OCEL1: variants seen among roughly 807,000 people sequenced by gnomAD.
OCEL1 encodes occludin/ELL domain containing 1, also known as occludin/ELL domain-containing protein 1.
OCEL1 carries 24 observed loss-of-function variants against 29.4 expected under a neutral mutation model. The observed-to-expected ratio is 0.82, with a 90% CI of 0.59 to 1.15. OCEL1 has a LOEUF of 1.15. Among genes scored for constraint, OCEL1 ranks in the 50% most tolerant of loss-of-function variants. The pLI, the probability that OCEL1 is intolerant of heterozygous loss-of-function variation, is 0.00. For missense variants in OCEL1, 402 were observed against 352.5 expected, an observed-to-expected ratio of 1.14 and a Z score of -1.13; for synonymous variants, 172 against 145.3, an observed-to-expected ratio of 1.18 and a Z score of -1.32.
chr19:17,226,339 C>A, intron 1 of OCEL1, 23 bp downstream of exon 1: 1 of 1,607,218 alleles, frequency 6.2e-7, no homozygotes, highest in African/African-American at 1.3e-5. Flanking sequence ...GGTAGCGAGC[C>A]GGACGGCCTT....
In OCEL1 at chr19:17,226,322, C is replaced by T; in HGVS notation, c.69+6C>T. The T allele has an allele frequency of 9.3e-6, 15 of 1,610,826 alleles. No individual in the cohort carries two copies. Among genetic ancestry groups the T allele is most frequent in the Non-Finnish European group, 1.3e-5 (15 of 1,179,162 alleles). On this transcript the variant is annotated splice_donor_region_variant and intron_variant, in intron 1 of 5. Coordinates refer to ENST00000215061, the MANE Select transcript of OCEL1 (RefSeq NM_024578.3). The stretch of plus-strand genomic sequence containing the variant: ...AGCTCCAGACGCTGGGACAGGTGAC[C>T]CGGGGCGGTAGCGAGCCGGACGGCC...
intron 1 of OCEL1, 82 bp downstream of exon 1, chr19:17,226,398 G>C: frequency 6.6e-7 from 1 of 1,507,288 alleles, no homozygotes; most frequent in Non-Finnish European, 9.0e-7. Context: ...GGTCGTCTGT[G>C]GGCTCTGCGC....
In OCEL1 at chr19:17,228,817, G is replaced by C. The variant is rs1223707295; in HGVS notation, c.687G>C (p.Leu229=). The change falls in exon 6 of 6, where the codon CTG becomes CTC. Residue 229 remains leucine (L), a synonymous_variant. Transcript: ENST00000215061. ...FEMKRMDPGF[L]DKQARCHYLK... is the part of the protein sequence containing the mutation. ...GCCCTGCCTAGGATCCTGGCTTCCT[G>C]GACAAGCAGGCTCGCTGCCACTACC... The C allele has an allele frequency of 6.2e-7, 1 of 1,613,388 alleles. No homozygotes were observed. Among genetic ancestry groups the C allele is most frequent in the Admixed American group, 1.7e-5 (1 of 60,022 alleles).
intron 5 of OCEL1, 181 bp from the exon 6 acceptor site, chr19:17,228,622 C>T: frequency 2.7e-6 from 2 of 745,406 alleles, no homozygotes; most frequent in East Asian, 2.9e-5. Flanking sequence ...GATCCGCCCA[C>T]CTCGGCCTCC....
rs771482894 is a variant in OCEL1 at position 17,226,749 on chromosome 19, C to G, written c.126C>G (p.Arg42=). 6.3e-7 allele frequency: 1 copy of G among 1,579,084 alleles called. No individual in the cohort carries two copies. The highest frequency in any genetic ancestry group is 8.6e-7 in the Non-Finnish European group (1 of 1,168,308). Residue 42 remains arginine, a synonymous_variant, in exon 2 of 6, where the codon CGC becomes CGG. Transcript: ENST00000215061. ...RAGHDAPRRT[R]PSARKPLSCF... The stretch of plus-strand genomic sequence containing the variant: ...GACACGACGCCCCCCGCAGGACCCG[C>G]CCATCAGCCCGGAAACCCCTGAGCT...
rs1338676589 is a variant in OCEL1, at chr19:17,226,238, C to G, written c.-10C>G. 6.2e-7 allele frequency: 1 copy of G among 1,605,662 alleles called. No homozygotes were observed. Among genetic ancestry groups the G allele is most frequent in the East Asian group, 2.2e-5 (1 of 44,564 alleles). On this transcript the variant is annotated 5_prime_UTR_variant, in exon 1 of 6. It adds an upstream start codon to the 5' untranslated region. Coordinates refer to ENST00000215061, the MANE Select transcript of OCEL1 (RefSeq NM_024578.3). ...GAGCGACCCCGCCAGTCGGGTCCAT[C>G]CTGCAGTAAATGCACAACCCGGACG...
intron 3 of OCEL1, among the ~76,000 whole-genome samples, chr19:17,227,419 G>A (rs1218420372): frequency 2.6e-5 from 4 of 152,134 alleles, no homozygotes; most frequent in South Asian, 2.1e-4. Context: ...GGCGAGGCGC[G>A]GTGGCTCATG....
Position 17,227,127 on chromosome 19 carries a change from G to A in OCEL1, c.380G>A (p.Gly127Asp), listed in dbSNP as rs754357081. Residue 127 changes from glycine (G) to aspartate (D), a missense_variant, in exon 3 of 6, where the codon GGC (glycine) becomes GAC (aspartate). Gly to Asp is a moderately conservative substitution (Grantham distance 94, BLOSUM62 -1). Transcript: ENST00000215061. Reference sequence around the variant, plus strand: ...GAGTTGCTCTCCCAGGCCCTCCTGGGCGCCAAGAAGCCTATTGGAGCCATC... The same window carrying A: ...GAGTTGCTCTCCCAGGCCCTCCTGGACGCCAAGAAGCCTATTGGAGCCATC... ...EDELLSQALL[G>D]AKKPIGAIPK... 9 of 1,600,416 alleles carry A rather than the reference G, an allele frequency of 5.6e-6. No individual in the cohort carries two copies. The highest frequency in any genetic ancestry group is 6.8e-6 in the Non-Finnish European group (8 of 1,176,300).
In OCEL1 at chr19:17,226,715, C is replaced by G; in HGVS notation, c.92C>G (p.Pro31Arg). ...CAGGCCGCCCGCAGACCACCCCCGC[C>G]GCGCGCGGGACACGACGCCCCCCGC... The part of the protein sequence containing the change: ...LGQAARRPPP[P>R]RAGHDAPRRT... The change falls in exon 2 of 6, where the codon CCG becomes CGG. Residue 31 changes from proline (P) to arginine (R), a missense_variant. Pro to Arg is a moderately radical substitution (Grantham distance 103). Transcript: ENST00000215061. 1 of 1,514,162 alleles carries G rather than the reference C, an allele frequency of 6.6e-7. No individual in the cohort carries two copies. The highest frequency in any genetic ancestry group is 8.8e-7 in the Non-Finnish European group (1 of 1,139,640). 93.8% of individuals were successfully genotyped at this position (1,514,162 alleles called of 1,614,324 possible). A position where few individuals can be genotyped will look rare whatever the true frequency, so the allele number is the denominator to read the frequency against.
At chr19:17,226,412 C>T in intron 1 of OCEL1, 96 bp downstream of exon 1, 5 of 1,447,044 alleles carry the variant, frequency 3.5e-6, no homozygotes, top group South Asian at 1.2e-5. Context: ...TCTGCGCGCC[C>T]TGGAGGTCGA....
chr19:17,226,635 G>C (rs1393185644), intron 1 of OCEL1, 58 bp from the exon 2 acceptor site: 49 of 1,411,724 alleles, frequency 3.5e-5, no homozygotes, highest in Non-Finnish European at 4.4e-5. Flanking sequence ...CGAGCTGCCC[G>C]CGCGTCCTTT....
chr19:17,228,666 G>T, intron 5 of OCEL1, 137 bp from the exon 6 acceptor site: 1 of 1,236,222 alleles, frequency 8.1e-7, no homozygotes, highest in Non-Finnish European at 1.1e-6. Flanking sequence ...GAGCCACCTT[G>T]CCCGGCTCAC....
In OCEL1 at chr19:17,226,783, C is replaced by T. The variant is rs1324222676; in HGVS notation, c.160C>T (p.Arg54Trp). 4.4e-6 allele frequency: 7 copies of T among 1,594,460 alleles called. No individual in the cohort carries two copies. The highest frequency in any genetic ancestry group is 1.8e-4 in the Middle Eastern group (1 of 5,552). ...CCGGAAACCCCTGAGCTGCTTCTCCCGGAGGCCGATGCCCACCCGGGAGCC... is the reference window on the plus strand; with the variant it reads ...CCGGAAACCCCTGAGCTGCTTCTCCTGGAGGCCGATGCCCACCCGGGAGCC... The part of the protein sequence containing the change: ...SARKPLSCFS[R>W]RPMPTREPPK... Residue 54 changes from arginine (R) to tryptophan (W), a missense_variant, in exon 2 of 6, where the codon CGG (arginine) becomes TGG (tryptophan). Physicochemically the swap from Arg to Trp is moderately radical, Grantham distance 101 (BLOSUM62 -3). Transcript: ENST00000215061.
rs184984720 is a variant in OCEL1 at position 17,229,190 on chromosome 19, C to A, written c.*265C>A. On this transcript the variant is annotated 3_prime_UTR_variant, in exon 6 of 6. Coordinates refer to ENST00000215061, the MANE Select transcript of OCEL1 (RefSeq NM_024578.3). ...CTGGAAGTAGGGCCTGCTCTCCATC[C>A]CAGTGAAATAAACATGTATTAGACA... 486 of 319,358 alleles carry A rather than the reference C, an allele frequency of 1.5e-3. 1 individual carries two copies. The highest frequency in any genetic ancestry group is 2.2e-3 in the Non-Finnish European group (360 of 166,516). The allele number at this position is 319,358 out of a possible 1,614,324, so 19.8% of individuals were successfully genotyped here.
chr19:17,228,614 TC>T, intron 5 of OCEL1, 188 bp from the exon 6 acceptor site: 1 of 680,396 alleles, frequency 1.5e-6, no homozygotes, highest in Non-Finnish European at 2.4e-6. Context: ...CCTCAAGTGA[TC>T]CGCCCACCTC....
Position 17,229,084 on chromosome 19 carries a change from C to T in OCEL1, c.*159C>T, listed in dbSNP as rs1406502557. 2 of 766,666 alleles carry T rather than the reference C, an allele frequency of 2.6e-6. No homozygotes were observed. Among genetic ancestry groups the T allele is most frequent in the Non-Finnish European group, 4.0e-6 (2 of 505,366 alleles). The allele number at this position is 766,666 out of a possible 1,614,324, so 47.5% of individuals were successfully genotyped here. On this transcript the variant is annotated 3_prime_UTR_variant, in exon 6 of 6. Coordinates refer to ENST00000215061, the MANE Select transcript of OCEL1 (RefSeq NM_024578.3). ...TTGGACTCAGCTCTGACAGCCCCTCCTCCAGGAAGGCCTTCCAGGACTTCC... is the reference window on the plus strand; with the variant it reads ...TTGGACTCAGCTCTGACAGCCCCTCTTCCAGGAAGGCCTTCCAGGACTTCC...
At chr19:17,228,555 G>A (rs1358389132) in intron 5 of OCEL1, 1 of 594,274 alleles carries the variant, frequency 1.7e-6, no homozygotes, top group Non-Finnish European at 2.9e-6. Context: ...TGTATTTGTA[G>A]TAGAGATGGG....
Position 17,227,853 on chromosome 19 carries a change from G to T in OCEL1, c.466G>T (p.Val156Leu), listed in dbSNP as rs754677665. The T allele has an allele frequency of 6.2e-7, 1 of 1,613,850 alleles. No individual in the cohort carries two copies. The highest frequency in any genetic ancestry group is 8.5e-7 in the Non-Finnish European group (1 of 1,180,008). The change falls in exon 4 of 6, where the codon GTG becomes TTG. Residue 156 changes from valine (V) to leucine (L), a missense_variant. Physicochemically the swap from Val to Leu is conservative, Grantham distance 32. Transcript: ENST00000215061. ...VPDYELKYPP[V>L]SSERERSRYV... is the part of the protein sequence containing the mutation. ...TCAACCTGGTAGTAAGTACCCGCCA[G>T]TGAGCAGTGAGAGGGAACGGAGCCG...
At chr19:17,226,531 G>GA in intron 1 of OCEL1, 162 bp from the exon 2 acceptor site, 1 of 928,254 alleles carries the variant, frequency 1.1e-6, no homozygotes, top group Non-Finnish European at 1.6e-6. Context: ...GCGGGGTCTG[G>GA]ACGTCGCTGC....
Sources: gnomAD v4.1 joint callset for allele counts (sites outside exome capture counted in the v4.1 genomes callset) on GRCh38, gnomAD v4.1.1 for gene constraint, MANE v1.5 for transcripts, NCBI Gene and HGNC (gene_info 2026-07-23, HGNC 2026-07-21) for gene names.